Variants in EEPD1 observed in about 807,000 individuals in gnomAD.
EEPD1 encodes the protein endonuclease/exonuclease/phosphatase family domain containing 1.
EEPD1 carries 17 observed loss-of-function variants against 46.3 expected under a neutral mutation model. The ratio of observed to expected loss-of-function variants is 0.37; its 90% CI spans 0.25 to 0.55. EEPD1 has a LOEUF of 0.55. Among genes scored for constraint, EEPD1 ranks in the 20% least tolerant of loss-of-function variants. The pLI, the probability that EEPD1 is intolerant of heterozygous loss-of-function variation, is 0.83. For missense variants in EEPD1, 673 were observed against 745.6 expected (o/e 0.90, Z 1.13); for synonymous variants, 313 against 315.6 (o/e 0.99, Z 0.09).
intron 3 of EEPD1, among the ~76,000 whole-genome samples, chr7:36,271,804 CT>C (rs1787107356): frequency 1.4e-4 from 1 of 7,276 alleles, no homozygotes; most frequent in Admixed American, 1.4e-3. Context: ...GCCTCCTATT[CT>C]ATTCTATTCT....
At chr7:36,256,204 A>T (rs1786826887) in intron 3 of EEPD1, among the ~76,000 whole-genome samples, 2 of 151,868 alleles carry the variant, frequency 1.3e-5, no homozygotes, top group South Asian at 4.2e-4. Context: ...TATGATTTCC[A>T]TTGTTTTGCA....
At chr7:36,287,536 A>G (rs1787359166) in intron 5 of EEPD1, 103 bp from the exon 6 acceptor site, 1 of 1,488,554 alleles carries the variant, frequency 6.7e-7, no homozygotes, top group Non-Finnish European at 9.0e-7. Flanking sequence ...CTTGTTTACC[A>G]TTGTCAACTC....
chr7:36,194,345 C>G (rs1367833769), intron 2 of EEPD1, among the ~76,000 whole-genome samples: 1 of 152,178 alleles, frequency 6.6e-6, no homozygotes, highest in Non-Finnish European at 1.5e-5. Context: ...CCAGTTTCAA[C>G]CTGAGGCAGG....
At chr7:36,173,708 T>C (rs528038363) in intron 2 of EEPD1, among the ~76,000 whole-genome samples, 2 of 152,266 alleles carry the variant, frequency 1.3e-5, no homozygotes, top group African/African-American at 2.4e-5. Context: ...ACCAATACAG[T>C]CACAGAACTC....
intron 2 of EEPD1, among the ~76,000 whole-genome samples, chr7:36,196,405 CTCTCCCTCTCCCA>C (rs1785586468): frequency 1.4e-5 from 2 of 147,212 alleles, no homozygotes; most frequent in East Asian, 1.9e-4. Context: ...CTCCCTCTCC[CTCTCCCTCTCCCA>C]TCTCCCTCTC....
chr7:36,165,869 T>C (rs969120452), intron 2 of EEPD1, among the ~76,000 whole-genome samples: 1 of 152,162 alleles, frequency 6.6e-6, no homozygotes, highest in African/African-American at 2.4e-5. Flanking sequence ...CCTAAAAAAG[T>C]CTCCTGCAAC....
chr7:36,180,335 A>C (rs540568668), intron 2 of EEPD1, among the ~76,000 whole-genome samples: 80 of 152,242 alleles, frequency 5.3e-4, no homozygotes, highest in South Asian at 1.5e-3. Flanking sequence ...CTGGGGAGGC[A>C]GAGGGGATGA....
chr7:36,215,300 C>CT (rs1158187692), intron 2 of EEPD1, among the ~76,000 whole-genome samples: 1 of 152,358 alleles, frequency 6.6e-6, no homozygotes, highest in East Asian at 1.9e-4. Context: ...TAAATGCACC[C>CT]TCCTGTTCCC....
intron 3 of EEPD1, among the ~76,000 whole-genome samples, chr7:36,270,023 T>C (rs1355396375): frequency 6.6e-6 from 1 of 152,138 alleles, no homozygotes; most frequent in Non-Finnish European, 1.5e-5. Flanking sequence ...AACAGCAGGT[T>C]AGATGGCCCA....
intron 2 of EEPD1, among the ~76,000 whole-genome samples, chr7:36,158,371 C>A (rs1018852515): frequency 6.6e-6 from 1 of 151,722 alleles, no homozygotes; most frequent in East Asian, 1.9e-4. Context: ...AAATTAAATC[C>A]ATTGTAAAGG....
intron 2 of EEPD1, among the ~76,000 whole-genome samples, chr7:36,192,542 A>G (rs1409942348): frequency 6.6e-6 from 1 of 152,166 alleles, no homozygotes; most frequent in Non-Finnish European, 1.5e-5. Context: ...AATTACATAC[A>G]TATTGAAAAG....
intron 6 of EEPD1, among the ~76,000 whole-genome samples, chr7:36,289,853 T>C (rs1466660966): frequency 6.6e-6 from 1 of 152,244 alleles, no homozygotes; most frequent in Non-Finnish European, 1.5e-5. Context: ...CCACCATAGT[T>C]TGTTGCTTAT....
chr7:36,168,310 GT>G (rs1232086232), intron 2 of EEPD1, among the ~76,000 whole-genome samples: 1 of 152,234 alleles, frequency 6.6e-6, no homozygotes, highest in Non-Finnish European at 1.5e-5. Flanking sequence ...AGTAAACTAT[GT>G]CCACTTTACA....
chr7:36,172,699 T>C (rs1424178053), intron 2 of EEPD1, among the ~76,000 whole-genome samples: 1 of 151,454 alleles, frequency 6.6e-6, no homozygotes, highest in African/African-American at 2.4e-5. Context: ...ACAATTCTTC[T>C]TCCATTGTGG....
chr7:36,153,261 G>C lies in EEPD1; in HGVS notation c.-606G>C, dbSNP rs1284079513. On this transcript the variant is annotated 5_prime_UTR_variant, in exon 1 of 8. Transcript: ENST00000242108. Reference sequence around the variant, plus strand: ...GCGGCGCGGCGCGGCCGGGACTTTGGCTTTGACACCGACTGCGAGCGGGAG... The same window carrying C: ...GCGGCGCGGCGCGGCCGGGACTTTGCCTTTGACACCGACTGCGAGCGGGAG... 1 of 152,690 alleles carries C rather than the reference G, an allele frequency of 6.5e-6. No individual in the cohort carries two copies. Among genetic ancestry groups the C allele is most frequent in the South Asian group, 2.1e-4 (1 of 4,848 alleles). The allele number at this position is 152,690 out of a possible 1,614,324, so 9.5% of individuals were successfully genotyped here. A position where few individuals can be genotyped will look rare whatever the true frequency, so the allele number is the denominator to read the frequency against.
chr7:36,283,070 A>T (rs1227659939), intron 4 of EEPD1, among the ~76,000 whole-genome samples: 3 of 152,190 alleles, frequency 2.0e-5, no homozygotes, highest in African/African-American at 7.2e-5. Flanking sequence ...CGATAGCCAG[A>T]GGGGTGGTTT....
At chr7:36,279,163 C>G (rs946402024) in intron 3 of EEPD1, among the ~76,000 whole-genome samples, 9 of 146,686 alleles carry the variant, frequency 6.1e-5, no homozygotes, top group Non-Finnish European at 1.5e-5. Flanking sequence ...GATTTGAAGA[C>G]TGCAGTCTTG....
At chr7:36,189,417 A>G (rs1002475620) in intron 2 of EEPD1, among the ~76,000 whole-genome samples, 3 of 152,234 alleles carry the variant, frequency 2.0e-5, no homozygotes, top group African/African-American at 7.2e-5. Flanking sequence ...CATTATTATT[A>G]AATGAGCAAA....
In EEPD1 at chr7:36,209,230, G is replaced by GT; in HGVS notation, c.879-29752dup. Among the ~76,000 whole-genome samples, 3 of 152,322 alleles carry GT rather than the reference G, an allele frequency of 2.0e-5. No homozygotes were observed. In the South Asian group the frequency reaches 6.2e-4, roughly 32 times the overall value. On this transcript the variant is annotated intron_variant, in intron 2 of 7. Transcript: ENST00000242108. Reference sequence around the variant, plus strand: ...CCCATGTCTGTTTAACTTCAAGGCTGTTTACTCATTATTTTATACTCACTG... The same window carrying GT: ...CCCATGTCTGTTTAACTTCAAGGCTGTTTTACTCATTATTTTATACTCACTG...
Sources: allele counts gnomAD v4.1 joint callset (sites outside exome capture counted in the v4.1 genomes callset), GRCh38; gene constraint gnomAD v4.1.1; transcripts MANE v1.5; gene names NCBI Gene and HGNC (gene_info 2026-07-23, HGNC 2026-07-21).